The following ATP10B variants were observed in gnomAD, a reference collection of about 807,000 sequenced individuals.
The protein encoded by ATP10B is phospholipid-transporting ATPase VB.
A neutral mutation model predicts 141.2 loss-of-function variants in ATP10B; 122 were observed. That is an observed-to-expected ratio of 0.86 (90% CI 0.75 to 1.00). The LOEUF (loss-of-function observed/expected upper bound fraction) is 1.00. Ranked by LOEUF, ATP10B falls within the 50% of genes least tolerant of loss-of-function variation. The probability of loss-of-function intolerance (pLI) is 0.00; values close to 1 mark genes in which losing one functional copy is unlikely to be tolerated. For missense variants in ATP10B, 1,876 were observed against 1,825.3 expected (o/e 1.03, Z -0.51); for synonymous variants, 685 against 692.0 (o/e 0.99, Z 0.16).
intron 1 of ATP10B, among the ~76,000 whole-genome samples, chr5:160,813,728 C>T (rs1035290861): frequency 4.6e-5 from 7 of 152,284 alleles, no homozygotes; most frequent in South Asian, 2.1e-4. Context: ...CTTGGAAGCA[C>T]CCCCCAGTAG....
chr5:160,864,679 A>G, the ATP10B span, among the ~76,000 whole-genome samples: 6 of 152,046 alleles, frequency 3.9e-5, no homozygotes, highest in Non-Finnish European at 7.4e-5. Context: ...AAAACCTTAA[A>G]GACTTATCCA....
intron 2 of ATP10B, among the ~76,000 whole-genome samples, chr5:160,729,461 C>A (rs1766590639): frequency 6.6e-6 from 1 of 152,154 alleles, no homozygotes; most frequent in Non-Finnish European, 1.5e-5. Flanking sequence ...CAGATGCCTG[C>A]CCCTCTGCCC....
chr5:160,631,631 G>A (rs1758946085), intron 13 of ATP10B, among the ~76,000 whole-genome samples: 1 of 152,198 alleles, frequency 6.6e-6, no homozygotes. Flanking sequence ...CTTATCTGTT[G>A]TTTTTCTCCC....
At chr5:160,871,654 A>C in the ATP10B span, among the ~76,000 whole-genome samples, 1 of 152,172 alleles carries the variant, frequency 6.6e-6, no homozygotes, top group Non-Finnish European at 1.5e-5. Flanking sequence ...TTCACTTAAA[A>C]GAATAGTCTC....
At chr5:160,822,765 A>C (rs186059201) in intron 1 of ATP10B, among the ~76,000 whole-genome samples, 2 of 151,782 alleles carry the variant, frequency 1.3e-5, no homozygotes, top group African/African-American at 4.8e-5. Context: ...AGGCATAGAA[A>C]GACAAACTTC....
At chr5:160,924,462 A>T in the ATP10B span, among the ~76,000 whole-genome samples, 1 of 152,242 alleles carries the variant, frequency 6.6e-6, no homozygotes, top group East Asian at 1.9e-4. Context: ...TAAATACTCA[A>T]TAAAAGGTAT....
upstream of ATP10B, among the ~76,000 whole-genome samples, chr5:160,853,881 C>T (rs1051451904): frequency 6.6e-6 from 1 of 152,186 alleles, no homozygotes; most frequent in Non-Finnish European, 1.5e-5. Flanking sequence ...AAAAATCACA[C>T]TCACAGAGTT....
intron 10 of ATP10B, among the ~76,000 whole-genome samples, chr5:160,638,958 A>G (rs899705127): frequency 1.3e-5 from 2 of 152,052 alleles, no homozygotes; most frequent in Non-Finnish European, 2.9e-5. Context: ...TCCACCTCTC[A>G]TGGTGCTCCT....
At chr5:160,800,381 CATA>C (rs2127929274) in intron 1 of ATP10B, among the ~76,000 whole-genome samples, 1 of 152,232 alleles carries the variant, frequency 6.6e-6, no homozygotes, top group Admixed American at 6.5e-5. Context: ...TTACAAGAAT[CATA>C]ATGATAATAG....
At chr5:160,671,178 A>C (rs1021228977) in intron 6 of ATP10B, among the ~76,000 whole-genome samples, 2 of 150,958 alleles carry the variant, frequency 1.3e-5, no homozygotes, top group Non-Finnish European at 3.0e-5. Context: ...AAAAAAAAAA[A>C]AAAAAAAAAA....
intron 24 of ATP10B, among the ~76,000 whole-genome samples, chr5:160,585,496 AG>A (rs1208266663): frequency 1.3e-5 from 2 of 152,160 alleles, no homozygotes; most frequent in Non-Finnish European, 2.9e-5. Flanking sequence ...CCAGCTACTG[AG>A]GAGGCTGAGG....
At chr5:160,663,554 C>G (rs1762098694) in intron 7 of ATP10B, among the ~76,000 whole-genome samples, 1 of 152,140 alleles carries the variant, frequency 6.6e-6, no homozygotes, top group African/African-American at 2.4e-5. Flanking sequence ...AAACCAAACA[C>G]CGCATGTTCT....
chr5:160,926,494 TAAA>T, the ATP10B span, among the ~76,000 whole-genome samples: 1 of 152,132 alleles, frequency 6.6e-6, no homozygotes, highest in African/African-American at 2.4e-5. Context: ...AGGAGAGACT[TAAA>T]AACAGGATCA....
At chr5:160,630,228 A>G (rs1403124038) in intron 13 of ATP10B, among the ~76,000 whole-genome samples, 1 of 152,190 alleles carries the variant, frequency 6.6e-6, no homozygotes, top group Non-Finnish European at 1.5e-5. Context: ...TCCTGAATGA[A>G]CTTAGTCAGA....
chr5:160,645,337 C>T (rs184071025), intron 8 of ATP10B, among the ~76,000 whole-genome samples: 1 of 152,270 alleles, frequency 6.6e-6, no homozygotes, highest in Admixed American at 6.5e-5. Flanking sequence ...CAAGGGGAGC[C>T]TCCAGGTAGT....
chr5:160,594,509 T>C (rs1472667155), intron 22 of ATP10B, among the ~76,000 whole-genome samples: 3 of 152,044 alleles, frequency 2.0e-5, no homozygotes, highest in Non-Finnish European at 2.9e-5. Context: ...GCTAACATCA[T>C]AATGACAGGA....
At chr5:160,567,813 G>C (rs1284146197) in intron 25 of ATP10B, among the ~76,000 whole-genome samples, 2 of 152,118 alleles carry the variant, frequency 1.3e-5, no homozygotes, top group Admixed American at 1.3e-4. Flanking sequence ...GTTATAAATA[G>C]GTGACATCAC....
chr5:160,569,349 GT>G, intron 25 of ATP10B, 146 bp downstream of exon 25: 1 of 829,708 alleles, frequency 1.2e-6, no homozygotes, highest in East Asian at 2.8e-5. Flanking sequence ...GTCATTCATT[GT>G]TCTTTCTGTC....
At chr5:160,704,038 A>G (rs1291010810) in intron 3 of ATP10B, among the ~76,000 whole-genome samples, 4 of 152,182 alleles carry the variant, frequency 2.6e-5, no homozygotes, top group Admixed American at 1.3e-4. Context: ...ACTGGAGTTC[A>G]GTGCCATGAT....
Sources: gnomAD v4.1 joint callset for allele counts (sites outside exome capture counted in the v4.1 genomes callset) on GRCh38, gnomAD v4.1.1 for gene constraint, MANE v1.5 for transcripts, NCBI Gene and HGNC (gene_info 2026-07-23, HGNC 2026-07-21) for gene names.